The following MITF variants were observed in gnomAD, a reference collection of about 807,000 sequenced individuals.
MITF encodes the protein microphthalmia-associated transcription factor.
A neutral mutation model predicts 60.5 loss-of-function variants in MITF; 17 were observed. That is an observed-to-expected ratio of 0.28 (90% CI 0.19 to 0.42). The LOEUF (loss-of-function observed/expected upper bound fraction) is 0.42, where lower values mean the gene tolerates loss of function less well. Among genes scored for constraint, MITF ranks in the 10% least tolerant of loss-of-function variants. MITF has a pLI of 1.00. For missense variants in MITF, 622 were observed against 683.5 expected (o/e 0.91, Z 1.00); for synonymous variants, 260 against 248.5 (o/e 1.05, Z -0.43).
At position 69,739,539 on chromosome 3, in the gene MITF, C is replaced by A; in HGVS notation, c.-59C>A. The A allele has an allele frequency of 6.8e-7, 1 of 1,467,130 alleles. No individual in the cohort carries two copies. Among genetic ancestry groups the A allele is most frequent in the Non-Finnish European group, 9.3e-7 (1 of 1,070,270 alleles). 90.9% of individuals were successfully genotyped at this position (1,467,130 alleles called of 1,614,324 possible). On this transcript the variant is annotated 5_prime_UTR_variant, in exon 1 of 10. Coordinates refer to ENST00000352241, the MANE Select transcript of MITF (RefSeq NM_001354604.2). Reference sequence around the variant, plus strand: ...GGGGGACCCAGGCCCAGCTACCTTCCCTCCGCCCCCGGGCTCTGTTCTCAC... The same window carrying A: ...GGGGGACCCAGGCCCAGCTACCTTCACTCCGCCCCCGGGCTCTGTTCTCAC...
chr3:69,824,645 C>T (rs2063327110), intron 1 of MITF, among the ~76,000 whole-genome samples: 1 of 152,176 alleles, frequency 6.6e-6, no homozygotes, highest in Non-Finnish European at 1.5e-5. Flanking sequence ...GAGACATCTC[C>T]AGGGCTTGTT....
intron 2 of MITF, among the ~76,000 whole-genome samples, chr3:69,891,058 C>T (rs2064748809): frequency 1.3e-5 from 2 of 152,122 alleles, no homozygotes; most frequent in Non-Finnish European, 1.5e-5. Flanking sequence ...GTATTAATCT[C>T]AATATTTTCT....
chr3:69,903,109 A>T (rs2065028688), intron 2 of MITF, among the ~76,000 whole-genome samples: 1 of 152,318 alleles, frequency 6.6e-6, no homozygotes. Flanking sequence ...AACCATAGAG[A>T]TGAAAATGCA....
chr3:69,902,372 A>G (rs1018140998), intron 2 of MITF, among the ~76,000 whole-genome samples: 7 of 152,162 alleles, frequency 4.6e-5, no homozygotes, highest in Non-Finnish European at 7.3e-5. Context: ...AAACATATCT[A>G]TTTGGCTTAC....
At chr3:69,939,901 T>C (rs886110408) in intron 4 of MITF, among the ~76,000 whole-genome samples, 1 of 152,214 alleles carries the variant, frequency 6.6e-6, no homozygotes, top group Admixed American at 6.5e-5. Flanking sequence ...CCTAGCCTAT[T>C]TGCATATTTA....
At chr3:69,815,384 A>C (rs1008039383) in intron 1 of MITF, among the ~76,000 whole-genome samples, 1 of 152,152 alleles carries the variant, frequency 6.6e-6, no homozygotes, top group African/African-American at 2.4e-5. Context: ...GCCACTTCGG[A>C]GTCTGCAAGA....
At chr3:69,890,910 T>C (rs1190180374) in intron 2 of MITF, among the ~76,000 whole-genome samples, 1 of 152,184 alleles carries the variant, frequency 6.6e-6, no homozygotes, top group East Asian at 1.9e-4. Context: ...TAAAGTCACA[T>C]TCTTGTGCAA....
chr3:69,943,283 T>C (rs2066013932), intron 5 of MITF, among the ~76,000 whole-genome samples: 1 of 152,012 alleles, frequency 6.6e-6, no homozygotes, highest in East Asian at 1.9e-4. Flanking sequence ...AAAAAGGATC[T>C]GTACTAGCTC....
intron 1 of MITF, among the ~76,000 whole-genome samples, chr3:69,749,691 C>T (rs1343760666): frequency 2.6e-5 from 4 of 152,196 alleles, no homozygotes; most frequent in East Asian, 3.9e-4. Context: ...GGTCACATTC[C>T]GAATAAAGGT....
At chr3:69,959,910 G>C (rs1471430998) in intron 9 of MITF, among the ~76,000 whole-genome samples, 1 of 152,182 alleles carries the variant, frequency 6.6e-6, no homozygotes, top group Non-Finnish European at 1.5e-5. Context: ...GATAAGCTTC[G>C]TTCAGGCATG....
chr3:69,820,323 T>C (rs1430073102), intron 1 of MITF, among the ~76,000 whole-genome samples: 1 of 152,208 alleles, frequency 6.6e-6, no homozygotes, highest in Non-Finnish European at 1.5e-5. Flanking sequence ...TTACCAGGGA[T>C]GTTCATGGAA....
At chr3:69,857,647 T>G (rs905688268) in intron 1 of MITF, among the ~76,000 whole-genome samples, 3 of 152,132 alleles carry the variant, frequency 2.0e-5, no homozygotes, top group Non-Finnish European at 2.9e-5. Context: ...AGATGGTGTT[T>G]AAAGGTTGCA....
chr3:69,835,015 CTTTTTTT>C (rs142347719), intron 1 of MITF, among the ~76,000 whole-genome samples: 1 of 68,536 alleles, frequency 1.5e-5, no homozygotes, highest in Non-Finnish European at 2.7e-5. Context: ...GCTCTTTTAC[CTTTTTTT>C]TTTTTTTTTT....
intron 1 of MITF, among the ~76,000 whole-genome samples, chr3:69,860,099 G>A (rs1483822282): frequency 2.0e-5 from 3 of 152,086 alleles, no homozygotes; most frequent in Non-Finnish European, 4.4e-5. Flanking sequence ...TTATATTCTA[G>A]ATTGTAGTTT....
intron 8 of MITF, among the ~76,000 whole-genome samples, chr3:69,957,323 A>G (rs1324842303): frequency 4.6e-5 from 7 of 152,232 alleles, no homozygotes; most frequent in Non-Finnish European, 1.5e-5. Context: ...GCCTTTGAAT[A>G]TGACCTTTTA....
At chr3:69,846,911 A>G (rs903259718) in intron 1 of MITF, among the ~76,000 whole-genome samples, 2 of 152,016 alleles carry the variant, frequency 1.3e-5, no homozygotes, top group Non-Finnish European at 2.9e-5. Context: ...GACAAGGAAG[A>G]TGCCTAGTCC....
intron 2 of MITF, among the ~76,000 whole-genome samples, chr3:69,910,622 C>G (rs950708008): frequency 2.0e-5 from 3 of 152,204 alleles, no homozygotes; most frequent in Non-Finnish European, 4.4e-5. Context: ...TCAGCATGAC[C>G]TGGACGTAAG....
intron 1 of MITF, among the ~76,000 whole-genome samples, chr3:69,807,980 T>C (rs2063037476): frequency 6.6e-6 from 1 of 150,484 alleles, no homozygotes; most frequent in Non-Finnish European, 1.5e-5. Flanking sequence ...AAATATAATA[T>C]GTAAATAATA....
chr3:69,926,686 C>G (rs1213714680), intron 2 of MITF, among the ~76,000 whole-genome samples: 1 of 152,164 alleles, frequency 6.6e-6, no homozygotes, highest in Non-Finnish European at 1.5e-5. Context: ...CTGGACGGTC[C>G]TGACAATGGG....
Sources: allele counts gnomAD v4.1 joint callset (sites outside exome capture counted in the v4.1 genomes callset), GRCh38; gene constraint gnomAD v4.1.1; transcripts MANE v1.5; gene names NCBI Gene and HGNC (gene_info 2026-07-23, HGNC 2026-07-21).